The following SEZ6L variants were observed in gnomAD, a reference collection of about 807,000 sequenced individuals.
The protein encoded by SEZ6L is seizure 6-like protein.
A neutral mutation model predicts 106.2 loss-of-function variants in SEZ6L; 37 were observed. The observed-to-expected ratio is 0.35, with a 90% CI of 0.27 to 0.46. The LOEUF (loss-of-function observed/expected upper bound fraction) is 0.46, where lower values mean the gene tolerates loss of function less well. Among genes scored for constraint, SEZ6L ranks in the 20% least tolerant of loss-of-function variants. The pLI is 1.00. For synonymous variants in SEZ6L, 541 were observed against 570.4 expected, an observed-to-expected ratio of 0.95 and a Z score of 0.73; for missense variants, 1,172 against 1,332.8, an observed-to-expected ratio of 0.88 and a Z score of 1.88.
At chr22:26,376,871 C>T (rs563489247) in intron 15 of SEZ6L, among the ~76,000 whole-genome samples, 20 of 152,294 alleles carry the variant, frequency 1.3e-4, no homozygotes, top group African/African-American at 4.3e-4. Context: ...TTATGGAGCC[C>T]ACAGTCTACT....
In SEZ6L at chr22:26,304,215, G is replaced by T. The variant is rs193261719; in HGVS notation, c.1349-1764G>T. On this transcript the variant is annotated intron_variant, in intron 5 of 16. Coordinates refer to ENST00000248933, the MANE Select transcript of SEZ6L (RefSeq NM_021115.5). The stretch of plus-strand genomic sequence containing the variant: ...AAAAATACAAAAATTAGCTGGGCGC[G>T]GTGGTGGGCACCTGTAATCCCAGCT... 1.2e-4 allele frequency among the ~76,000 whole-genome samples: 18 copies of T among 152,032 alleles called. No homozygotes were observed. The East Asian group carries it at 2.9e-3, about 24-fold the overall frequency.
chr22:26,327,846 C>T (rs1226648252), intron 9 of SEZ6L, among the ~76,000 whole-genome samples: 1 of 152,234 alleles, frequency 6.6e-6, no homozygotes, highest in Admixed American at 6.5e-5. Context: ...CTGGGTTCCA[C>T]TCCGTGTTTT....
chr22:26,192,054 A>G (rs1940257695), intron 1 of SEZ6L, among the ~76,000 whole-genome samples: 1 of 152,126 alleles, frequency 6.6e-6, no homozygotes. Context: ...TCATCAATGC[A>G]TCCAGTTATC....
At chr22:26,277,190 C>T (rs141192158) in intron 1 of SEZ6L, among the ~76,000 whole-genome samples, 174 of 151,458 alleles carry the variant, frequency 1.1e-3, no homozygotes, top group African/African-American at 4.0e-3. Context: ...CCTCTATCTC[C>T]TGGGCTCAAG....
Position 26,296,978 on chromosome 22 carries a change from CT to C in SEZ6L, c.1061del (p.Leu354ArgfsTer6), listed in dbSNP as rs1406664756. ...GACCGTCCTGGCCAACCAGACACTC[CT>C]GGTGGAGGGGCAGGTAATCCGAAGC... ...TLTVLANQTL[L>X]VEGQVIRSPT... is the part of the protein sequence containing the mutation. On this transcript the variant is annotated frameshift_variant, in exon 4 of 17. Coordinates refer to ENST00000248933, the MANE Select transcript of SEZ6L (RefSeq NM_021115.5). LOFTEE classifies it high-confidence loss of function. 1 of 1,614,148 alleles carries C rather than the reference CT, an allele frequency of 6.2e-7. No individual in the cohort carries two copies. Among genetic ancestry groups the C allele is most frequent in the Admixed American group, 1.7e-5 (1 of 60,026 alleles).
At chr22:26,331,183 C>T (rs1000192114) in intron 9 of SEZ6L, among the ~76,000 whole-genome samples, 2 of 152,224 alleles carry the variant, frequency 1.3e-5, no homozygotes, top group Admixed American at 1.3e-4. Flanking sequence ...CTTAGGCATA[C>T]ACTGCCCTCT....
intron 5 of SEZ6L, among the ~76,000 whole-genome samples, chr22:26,305,381 GC>G (rs2081599049): frequency 6.6e-6 from 1 of 152,100 alleles, no homozygotes; most frequent in Admixed American, 6.6e-5. Context: ...TCACTAAATT[GC>G]CCTCCCGAAA....
chr22:26,340,682 G>A (rs1160635962), intron 10 of SEZ6L, 50 bp downstream of exon 10: 1 of 1,492,678 alleles, frequency 6.7e-7, no homozygotes, highest in African/African-American at 1.4e-5. Flanking sequence ...TTAGATACAG[G>A]TTAAGGTGGT....
chr22:26,379,269 T>A (rs1308768976), intron 16 of SEZ6L, among the ~76,000 whole-genome samples: 1 of 152,226 alleles, frequency 6.6e-6, no homozygotes, highest in East Asian at 1.9e-4. Flanking sequence ...GAGAGAGTCA[T>A]CTTGCAAGAC....
chr22:26,203,081 T>G (rs1490276174), intron 1 of SEZ6L, among the ~76,000 whole-genome samples: 1 of 152,246 alleles, frequency 6.6e-6, no homozygotes, highest in Non-Finnish European at 1.5e-5. Flanking sequence ...ACTGCAAATC[T>G]GTGCCTGCAA....
intron 5 of SEZ6L, among the ~76,000 whole-genome samples, chr22:26,300,446 T>C (rs1463387370): frequency 2.6e-5 from 4 of 152,212 alleles, no homozygotes; most frequent in Admixed American, 2.6e-4. Context: ...AGAATGATGG[T>C]TTCCAGCTTC....
chr22:26,221,708 G>T (rs2078474281), intron 1 of SEZ6L, among the ~76,000 whole-genome samples: 1 of 151,776 alleles, frequency 6.6e-6, no homozygotes, highest in African/African-American at 2.4e-5. Context: ...CCTGGTGTGT[G>T]TGCACCTGAA....
intron 9 of SEZ6L, among the ~76,000 whole-genome samples, chr22:26,330,221 C>T (rs1219441082): frequency 6.6e-6 from 1 of 152,202 alleles, no homozygotes; most frequent in Non-Finnish European, 1.5e-5. Context: ...CAGGCTTTGT[C>T]TTCCAACGAC....
At chr22:26,376,510 C>G (rs6005035) in intron 15 of SEZ6L, among the ~76,000 whole-genome samples, 76,202 of 151,318 alleles carry the variant, frequency 0.5, 20,177 homozygotes, top group East Asian at 0.94. Context: ...GGGAGGCCAA[C>G]GCAGGTGAAT....
intron 1 of SEZ6L, among the ~76,000 whole-genome samples, chr22:26,229,257 C>T (rs1030178413): frequency 2.6e-5 from 4 of 152,200 alleles, no homozygotes; most frequent in South Asian, 2.1e-4. Context: ...TTGGTCTCCC[C>T]GGGTGCTGGG....
chr22:26,204,570 T>C (rs997129994), intron 1 of SEZ6L, among the ~76,000 whole-genome samples: 2 of 152,278 alleles, frequency 1.3e-5, no homozygotes, highest in Non-Finnish European at 2.9e-5. Flanking sequence ...GGCATTCTGA[T>C]GCCAGAGCCT....
At chr22:26,172,250 T>C (rs1414891796) in intron 1 of SEZ6L, among the ~76,000 whole-genome samples, 1 of 152,152 alleles carries the variant, frequency 6.6e-6, no homozygotes, top group Non-Finnish European at 1.5e-5. Flanking sequence ...CTAACGTGTG[T>C]TGTGGTTAGA....
rs374041336 is a variant in SEZ6L at position 26,289,739 on chromosome 22, T to A, written c.95-2667T>A. Reference sequence around the variant, plus strand: ...TATAGATTAAGCCACCGCCGCCAACTCCATGAAAGTAAATGAGCCTCTCCA... The same window carrying A: ...TATAGATTAAGCCACCGCCGCCAACACCATGAAAGTAAATGAGCCTCTCCA... On this transcript the variant is annotated intron_variant, in intron 1 of 16. Coordinates refer to ENST00000248933, the MANE Select transcript of SEZ6L (RefSeq NM_021115.5). 4.6e-5 allele frequency among the ~76,000 whole-genome samples: 7 copies of A among 152,266 alleles called. No homozygotes were observed. In the East Asian group the frequency reaches 1.2e-3, roughly 25 times the overall value.
At chr22:26,260,845 C>T (rs1469132073) in intron 1 of SEZ6L, among the ~76,000 whole-genome samples, 2 of 152,210 alleles carry the variant, frequency 1.3e-5, no homozygotes, top group Non-Finnish European at 2.9e-5. Flanking sequence ...TACATTCCCA[C>T]CAGCAGTGTA....
Sources: allele counts gnomAD v4.1 joint callset (sites outside exome capture counted in the v4.1 genomes callset), GRCh38; gene constraint gnomAD v4.1.1; transcripts MANE v1.5; gene names NCBI Gene and HGNC (gene_info 2026-07-23, HGNC 2026-07-21).